Variants in CDC20 observed in about 807,000 individuals in gnomAD.
The protein encoded by CDC20 is cell division cycle 20.
In CDC20, 34 loss-of-function variants were observed where a neutral mutation model predicts 60.0. The observed-to-expected ratio is 0.57, with a 90% CI of 0.43 to 0.75. The LOEUF (loss-of-function observed/expected upper bound fraction) is 0.75, where lower values mean the gene tolerates loss of function less well. Among genes scored for constraint, CDC20 ranks in the 30% least tolerant of loss-of-function variants. CDC20 has a pLI of 0.00. For missense variants in CDC20, 469 were observed against 647.3 expected (o/e 0.72, Z 2.99); for synonymous variants, 198 against 243.5 (o/e 0.81, Z 1.74).
At position 43,362,332 on chromosome 1, in the gene CDC20, G is replaced by A. The variant is rs1647176188; in HGVS notation, c.1321+20G>A. The A allele has an allele frequency of 9.2e-7, 1 of 1,089,140 alleles. No individual in the cohort carries two copies. Among genetic ancestry groups the A allele is most frequent in the Admixed American group, 1.7e-5 (1 of 58,788 alleles). The allele number at this position is 1,089,140 out of a possible 1,614,324, so 67.5% of individuals were successfully genotyped here. ...TCAAAGGTAAGTGGCTAGGTGAAAA[G>A]CCGGACATAAAAGGCCACATAATGT... On this transcript the variant is annotated intron_variant, in intron 10 of 10. Transcript: ENST00000310955.
chr1:43,362,230 G>C lies in CDC20; in HGVS notation c.1239G>C (p.Glu413Asp), dbSNP rs745320429. 2.5e-6 allele frequency: 4 copies of C among 1,613,010 alleles called. No homozygotes were observed. Among genetic ancestry groups the C allele is most frequent in the Non-Finnish European group, 3.4e-6 (4 of 1,179,008 alleles). ...TCCTCTGGTCTCCCCATTACAAGGA[G>C]CTCATCTCAGGCCATGGCTTTGCAC... Reference protein sequence around the residue: ...CSILWSPHYKELISGHGFAQN... With the variant: ...CSILWSPHYKDLISGHGFAQN... Residue 413 changes from glutamate to aspartate, a missense_variant, in exon 10 of 11, where the codon GAG becomes GAC. Physicochemically the swap from Glu to Asp is conservative, Grantham distance 45 (BLOSUM62 2). Around this residue, in one of 5 missense-constraint regions of CDC20, gnomAD observed 20 missense variants for 55.8 expected, o/e 0.36. Transcript: ENST00000310955.
At chr1:43,362,462 G>C in intron 10 of CDC20, 150 bp downstream of exon 10, 1 of 606,930 alleles carries the variant, frequency 1.6e-6, no homozygotes, top group Non-Finnish European at 3.0e-6. Context: ...CTTAGAATTA[G>C]TTTTAACAGT....
rs757852476 is a variant in CDC20, at chr1:43,359,766, T to C, written c.372T>C (p.Asp124=). Residue 124 remains aspartate, a synonymous_variant, in exon 4 of 11, where the codon GAT becomes GAC. Transcript: ENST00000310955. ...GGGCTTTGAACCTGAACGGTTTTGA[T>C]GTAGAGGAAGCCAAGATCCTTCGGC... ...KAWALNLNGF[D]VEEAKILRLS... 3 of 1,613,918 alleles carry C rather than the reference T, an allele frequency of 1.9e-6. No individual in the cohort carries two copies. The highest frequency in any genetic ancestry group is 2.5e-6 in the Non-Finnish European group (3 of 1,180,036).
At position 43,363,019 on chromosome 1, in the gene CDC20, GATGAGACCCTGAGGCT is replaced by G; in HGVS notation, c.1394_1409del (p.Glu465GlyfsTer55). The G allele has an allele frequency of 1.2e-6, 2 of 1,613,134 alleles. No homozygotes were observed. Among genetic ancestry groups the G allele is most frequent in the Non-Finnish European group, 1.7e-6 (2 of 1,179,702 alleles). On this transcript the variant is annotated frameshift_variant, in exon 11 of 11. Transcript: ENST00000310955. LOFTEE classifies it high-confidence loss of function. ...GGCCACAGTGGCATCCGCAGCAGCA[GATGAGACCCTGAGGCT>G]ATGGCGCTGTTTTGAGTTGGACCCT...
Position 43,359,183 on chromosome 1 carries a change from A to C in CDC20, c.-33A>C. On this transcript the variant is annotated 5_prime_UTR_variant, in exon 2 of 11. Transcript: ENST00000310955. ...TTCCTCCAGGGCTCCGTAGGCACCA[A>C]CTGCAAGGACCCCTCCCCCTGCGGG... 6.2e-7 allele frequency: 1 copy of C among 1,609,770 alleles called. No homozygotes were observed. Among genetic ancestry groups the C allele is most frequent in the Non-Finnish European group, 8.5e-7 (1 of 1,178,502 alleles).
chr1:43,359,020 G>C lies in CDC20; in HGVS notation c.-50+14G>C, dbSNP rs1267940489. 2 of 618,418 alleles carry C rather than the reference G, an allele frequency of 3.2e-6. No homozygotes were observed. Among genetic ancestry groups the C allele is most frequent in the Non-Finnish European group, 5.7e-6 (2 of 350,058 alleles). The allele number at this position is 618,418 out of a possible 1,614,324, so 38.3% of individuals were successfully genotyped here. On this transcript the variant is annotated intron_variant, in intron 1 of 10. Coordinates refer to ENST00000310955, the MANE Select transcript of CDC20 (RefSeq NM_001255.3). ...CCGGAGGGCACGGTGAGAGGTGGTGGGGCTGAGCCGAGGTGGGGCCGTGGC... is the reference window on the plus strand; with the variant it reads ...CCGGAGGGCACGGTGAGAGGTGGTGCGGCTGAGCCGAGGTGGGGCCGTGGC...
chr1:43,360,453 T>C, intron 6 of CDC20, 46 bp from the exon 7 acceptor site: 1 of 1,608,072 alleles, frequency 6.2e-7, no homozygotes, highest in Non-Finnish European at 8.5e-7. Flanking sequence ...TGGAGGATAT[T>C]AATGCCAAGT....
At chr1:43,361,278 T>G (rs1461193379) in intron 9 of CDC20, 33 bp downstream of exon 9, 1 of 1,537,088 alleles carries the variant, frequency 6.5e-7, no homozygotes, top group Non-Finnish European at 8.8e-7. Flanking sequence ...CTCTCCCACA[T>G]GCATTCTTAC....
At chr1:43,359,030 G>C (rs962442114) in intron 1 of CDC20, 24 bp downstream of exon 1, 6 of 631,310 alleles carry the variant, frequency 9.5e-6, no homozygotes, top group Non-Finnish European at 1.7e-5. Context: ...GGGCTGAGCC[G>C]AGGTGGGGCC....
chr1:43,362,333 C>A, intron 10 of CDC20, 21 bp downstream of exon 10: 1 of 1,084,848 alleles, frequency 9.2e-7, no homozygotes, highest in Non-Finnish European at 1.4e-6. Context: ...AGGTGAAAAG[C>A]CGGACATAAA....
rs1647160592 is a variant in CDC20, at chr1:43,359,508, T to C, written c.200T>C (p.Val67Ala). ...GRTPGKSSSK[V>A]QTTPSKPGGD... ...GCCCCAGGCAAATCCAGTTCCAAGG[T>C]TCAGACCACTCCTAGCAAACCTGGC... The change falls in exon 3 of 11, where the codon GTT becomes GCT. Residue 67 changes from valine (V) to alanine (A), a missense_variant. Physicochemically the swap from Val to Ala is moderately conservative, Grantham distance 64. Coordinates refer to ENST00000310955, the MANE Select transcript of CDC20 (RefSeq NM_001255.3). 16 of 1,613,622 alleles carry C rather than the reference T, an allele frequency of 9.9e-6. No individual in the cohort carries two copies. Among genetic ancestry groups the C allele is most frequent in the African/African-American group, 2.7e-5 (2 of 74,850 alleles).
chr1:43,361,368 A>G, intron 9 of CDC20, 123 bp downstream of exon 9: 3 of 936,882 alleles, frequency 3.2e-6, no homozygotes, highest in Non-Finnish European at 3.2e-6. Flanking sequence ...GCTCTCACTC[A>G]TGAGCTTCAT....
intron 5 of CDC20, 40 bp from the exon 6 acceptor site, chr1:43,360,153 C>T: frequency 6.2e-7 from 1 of 1,613,832 alleles, no homozygotes; most frequent in Non-Finnish European, 8.5e-7. Context: ...TGGGACCACA[C>T]AAACAAGGAA....
In CDC20 at chr1:43,363,076, C is replaced by G; in HGVS notation, c.1447C>G (p.Arg483Gly). 6.2e-7 allele frequency: 1 copy of G among 1,613,324 alleles called. No individual in the cohort carries two copies. The highest frequency in any genetic ancestry group is 8.5e-7 in the Non-Finnish European group (1 of 1,179,786). ...GTTGGACCCTGCGCGGCGGCGGGAG[C>G]GGGAGAAGGCCAGTGCAGCCAAAAG... ...FELDPARRRE[R>G]EKASAAKSSL... Residue 483 changes from arginine (R) to glycine (G), a missense_variant, in exon 11 of 11, where the codon CGG becomes GGG. Coordinates refer to ENST00000310955, the MANE Select transcript of CDC20 (RefSeq NM_001255.3).
At position 43,359,814 on chromosome 1, in the gene CDC20, G is replaced by C; in HGVS notation, c.420G>C (p.Ala140=). Residue 140 remains alanine, a synonymous_variant, in exon 4 of 11, where the codon GCG becomes GCC. Transcript: ENST00000310955. The part of the protein sequence containing the change: ...ILRLSGKPQN[A]PEGYQNRLKV... ...GGCTCAGTGGAAAACCACAAAATGC[G>C]CCAGAGGGTAAGACCCGAAGTTCCT... 1 of 1,613,842 alleles carries C rather than the reference G, an allele frequency of 6.2e-7. No homozygotes were observed. Among genetic ancestry groups the C allele is most frequent in the Non-Finnish European group, 8.5e-7 (1 of 1,179,988 alleles).
intron 9 of CDC20, 32 bp from the exon 10 acceptor site, chr1:43,362,163 T>C (rs1169219633): frequency 2.3e-6 from 3 of 1,313,084 alleles, no homozygotes; most frequent in African/African-American, 2.9e-5. Context: ...GCCTTGGCTA[T>C]ATGTCATGCC....
rs751442023 is a variant in CDC20 at position 43,363,089 on chromosome 1, G to T, written c.1460G>T (p.Ser487Ile). ...CGGCGGCGGGAGCGGGAGAAGGCCA[G>T]TGCAGCCAAAAGCAGCCTCATCCAC... is the stretch of plus-strand genomic sequence containing the variant. The part of the protein sequence containing the change: ...PARRREREKA[S>I]AAKSSLIHQG... The change falls in exon 11 of 11, where the codon AGT (serine) becomes ATT (isoleucine). Residue 487 changes from serine (S) to isoleucine (I), a missense_variant. This residue lies in a region of CDC20 where 72 missense variants were observed against 77.9 expected (regional missense o/e 0.92). Coordinates refer to ENST00000310955, the MANE Select transcript of CDC20 (RefSeq NM_001255.3). The T allele has an allele frequency of 1.3e-5, 21 of 1,613,272 alleles. No individual in the cohort carries two copies. Among genetic ancestry groups the T allele is most frequent in the African/African-American group, 2.7e-5 (2 of 74,852 alleles).
intron 1 of CDC20, 33 bp from the exon 2 acceptor site, chr1:43,359,130 TTCTG>T: frequency 7.0e-7 from 1 of 1,427,100 alleles, no homozygotes; most frequent in Non-Finnish European, 9.8e-7. Context: ...AGGGGTCCCT[TTCTG>T]TCCCCTGAGC....
intron 10 of CDC20, among the ~76,000 whole-genome samples, chr1:43,362,516 T>C (rs538728267): frequency 5.3e-5 from 8 of 152,334 alleles, no homozygotes; most frequent in Middle Eastern, 3.4e-3. Flanking sequence ...AACTGTACAC[T>C]TTAAAAGGAT....
Sources: gnomAD v4.1 joint callset for allele counts (sites outside exome capture counted in the v4.1 genomes callset) on GRCh38, gnomAD v4.1.1 for gene constraint, gnomAD v4.1.1 regional missense constraint, MANE v1.5 for transcripts, NCBI Gene and HGNC (gene_info 2026-07-23, HGNC 2026-07-21) for gene names.